The following TENM2 variants were observed in gnomAD, a reference collection of about 807,000 sequenced individuals.
The protein encoded by TENM2 is teneurin-2.
A neutral mutation model predicts 245.2 loss-of-function variants in TENM2; 52 were observed. That is an observed-to-expected ratio of 0.21 (90% CI 0.17 to 0.27). TENM2 has a LOEUF of 0.27. Ranked by LOEUF, TENM2 falls within the 10% of genes least tolerant of loss-of-function variation. TENM2 has a pLI of 1.00. For missense variants in TENM2, 3,046 were observed against 3,666.8 expected (o/e 0.83, Z 4.37); for synonymous variants, 1,363 against 1,438.9 (o/e 0.95, Z 1.19).
chr5:167,018,917 G>A, the TENM2 span, among the ~76,000 whole-genome samples: 6 of 152,164 alleles, frequency 3.9e-5, no homozygotes, highest in African/African-American at 1.4e-4. Flanking sequence ...TCTGAGGCTT[G>A]TTAGAATCAA....
At chr5:168,170,595 G>T (rs958634062) in intron 13 of TENM2, among the ~76,000 whole-genome samples, 1 of 152,060 alleles carries the variant, frequency 6.6e-6, no homozygotes, top group African/African-American at 2.4e-5. Context: ...GAATTCTCTT[G>T]CATATAAAAA....
At chr5:167,331,128 C>T (rs189302190) in intron 1 of TENM2, among the ~76,000 whole-genome samples, 4 of 148,842 alleles carry the variant, frequency 2.7e-5, no homozygotes, top group Non-Finnish European at 5.9e-5. Context: ...CCCAGCTACT[C>T]GGGAGGCTGA....
intron 5 of TENM2, among the ~76,000 whole-genome samples, chr5:168,036,749 ATATG>A (rs922242169): frequency 4.1e-5 from 6 of 148,084 alleles, no homozygotes; most frequent in Non-Finnish European, 5.9e-5. Flanking sequence ...GTGTATATAT[ATATG>A]TATGTGTATA....
chr5:167,150,216 C>A, the TENM2 span, among the ~76,000 whole-genome samples: 5 of 152,068 alleles, frequency 3.3e-5, no homozygotes, highest in Non-Finnish European at 2.9e-5. Context: ...CCTGTCTATT[C>A]CCCCTTTCCT....
At chr5:167,595,256 A>G (rs1047702939) in intron 2 of TENM2, among the ~76,000 whole-genome samples, 20 of 152,352 alleles carry the variant, frequency 1.3e-4, no homozygotes, top group African/African-American at 3.8e-4. Flanking sequence ...TCAAAAGACT[A>G]TAAGATGTAA....
At chr5:167,815,191 A>G (rs1321605488) in intron 2 of TENM2, among the ~76,000 whole-genome samples, 1 of 152,150 alleles carries the variant, frequency 6.6e-6, no homozygotes, top group Non-Finnish European at 1.5e-5. Flanking sequence ...TGTGACTTTC[A>G]TAAGGCAGGA....
At chr5:167,600,184 T>G (rs183351136) in intron 2 of TENM2, among the ~76,000 whole-genome samples, 3 of 152,118 alleles carry the variant, frequency 2.0e-5, no homozygotes, top group Non-Finnish European at 4.4e-5. Context: ...CTGATAACTT[T>G]TTCCTTATAT....
At chr5:167,958,629 T>C (rs1241301177) in intron 4 of TENM2, among the ~76,000 whole-genome samples, 1 of 152,216 alleles carries the variant, frequency 6.6e-6, no homozygotes, top group Non-Finnish European at 1.5e-5. Context: ...GTTTTTCCTT[T>C]CCATGTTTAG....
chr5:167,183,781 G>GA, the TENM2 span, among the ~76,000 whole-genome samples: 2 of 151,982 alleles, frequency 1.3e-5, no homozygotes, highest in Admixed American at 6.6e-5. Flanking sequence ...TGAGCCGTGA[G>GA]AAAAAAATGG....
chr5:167,907,521 CTAAATATATATATATATATATATA>C (rs1561921016), intron 3 of TENM2, among the ~76,000 whole-genome samples: 1 of 81,508 alleles, frequency 1.2e-5, no homozygotes, highest in Non-Finnish European at 2.5e-5. Context: ...TTAGATCACC[CTAAATATATATATATATATATATA>C]TATATATATA....
chr5:168,038,202 C>T (rs1026816646), intron 5 of TENM2, among the ~76,000 whole-genome samples: 2 of 152,210 alleles, frequency 1.3e-5, no homozygotes, highest in Non-Finnish European at 2.9e-5. Context: ...TCATAAAATT[C>T]GTAACAATTG....
At chr5:167,587,372 C>T (rs1458426584) in intron 2 of TENM2, among the ~76,000 whole-genome samples, 2 of 152,170 alleles carry the variant, frequency 1.3e-5, no homozygotes, top group Non-Finnish European at 2.9e-5. Context: ...TGTTGTGAAA[C>T]AGCCTGTCAC....
intron 12 of TENM2, among the ~76,000 whole-genome samples, chr5:168,159,443 G>A (rs909986537): frequency 4.6e-5 from 7 of 152,254 alleles, no homozygotes; most frequent in African/African-American, 1.2e-4. Context: ...ATCCAACTTC[G>A]GTTATAGCAT....
intron 2 of TENM2, among the ~76,000 whole-genome samples, chr5:167,405,769 AACAC>A (rs149621688): frequency 8.5e-4 from 123 of 145,280 alleles, no homozygotes; most frequent in African/African-American, 1.2e-3. Flanking sequence ...CACACACACA[AACAC>A]ACACACACAC....
intron 17 of TENM2, 30 bp from the exon 20 acceptor site, chr5:168,203,659 T>C (rs769524767): frequency 6.4e-7 from 1 of 1,562,250 alleles, no homozygotes; most frequent in Non-Finnish European, 8.7e-7. Context: ...CTCTTTTCTC[T>C]CACTCTGCCC....
At chr5:167,254,528 A>G in the TENM2 span, among the ~76,000 whole-genome samples, 134,250 of 152,132 alleles carry the variant, frequency 0.88, 59,754 homozygotes, top group Non-Finnish European at 0.94. Flanking sequence ...AATTTCTTCA[A>G]CTTCTCTCTT....
At chr5:167,138,644 C>T in the TENM2 span, among the ~76,000 whole-genome samples, 285 of 152,164 alleles carry the variant, frequency 1.9e-3, 2 homozygotes, top group Non-Finnish European at 3.4e-3. Context: ...TTTTTTGAGA[C>T]GGAGTTTTGC....
At chr5:167,586,772 C>T (rs532883595) in intron 2 of TENM2, among the ~76,000 whole-genome samples, 11 of 152,228 alleles carry the variant, frequency 7.2e-5, no homozygotes, top group African/African-American at 2.4e-4. Flanking sequence ...ATTTCCAAAG[C>T]GTTCTGGAAT....
intron 10 of TENM2, among the ~76,000 whole-genome samples, chr5:168,124,464 A>G (rs1188175558): frequency 6.6e-6 from 1 of 152,250 alleles, no homozygotes; most frequent in Non-Finnish European, 1.5e-5. Flanking sequence ...CGACACATGT[A>G]GAAACATGGC....
Sources: gnomAD v4.1 joint callset for allele counts (sites outside exome capture counted in the v4.1 genomes callset) on GRCh38, gnomAD v4.1.1 for gene constraint, MANE v1.5 for transcripts, NCBI Gene and HGNC (gene_info 2026-07-23, HGNC 2026-07-21) for gene names.